CLSTN2: variants seen among roughly 807,000 people sequenced by gnomAD.
CLSTN2 encodes the protein calsyntenin 2, also known as calsyntenin-2.
In CLSTN2, 48 loss-of-function variants were observed where a neutral mutation model predicts 101.2. That is an observed-to-expected ratio of 0.47 (90% CI 0.38 to 0.60). The LOEUF (loss-of-function observed/expected upper bound fraction) is 0.60. Ranked by LOEUF, CLSTN2 falls within the 20% of genes least tolerant of loss-of-function variation. The pLI is 0.00. For synonymous variants in CLSTN2, 481 were observed against 463.6 expected (o/e 1.04, Z -0.48); for missense variants, 1,160 against 1,238.2 (o/e 0.94, Z 0.95).
chr3:140,364,670 G>A (rs1015700368), intron 2 of CLSTN2, among the ~76,000 whole-genome samples: 1 of 152,192 alleles, frequency 6.6e-6, no homozygotes, highest in Admixed American at 6.5e-5. Context: ...CTTGGATAAT[G>A]AGGCAGGGGG....
intron 8 of CLSTN2, among the ~76,000 whole-genome samples, chr3:140,515,763 A>G (rs575406865): frequency 1.0e-3 from 159 of 152,192 alleles, no homozygotes; most frequent in African/African-American, 3.7e-3. Context: ...AAATGTATTG[A>G]GACTTGTTTT....
In CLSTN2 at chr3:140,574,266, G is replaced by A. The variant is rs1985661606; in HGVS notation, c.*8013G>A. 1.3e-5 allele frequency: 2 copies of A among 152,256 alleles called. No homozygotes were observed. The highest frequency in any genetic ancestry group is 2.4e-5 in the African/African-American group (1 of 41,472). 9.4% of individuals were successfully genotyped at this position (152,256 alleles called of 1,614,324 possible). ...TCAGATCGACGAGGGTGGAAGTGCA[G>A]TGAACAGAGGACAACATTTGTGATG... On this transcript the variant is annotated 3_prime_UTR_variant, in exon 17 of 17. Transcript: ENST00000458420.
At chr3:140,483,499 G>T (rs561121954) in intron 8 of CLSTN2, among the ~76,000 whole-genome samples, 149 of 152,284 alleles carry the variant, frequency 9.8e-4, no homozygotes, top group African/African-American at 3.4e-3. Context: ...GCATATCCTT[G>T]TTAACTTTCT....
chr3:140,541,212 A>G (rs1935469279), intron 9 of CLSTN2, among the ~76,000 whole-genome samples: 1 of 152,220 alleles, frequency 6.6e-6, no homozygotes, highest in African/African-American at 2.4e-5. Flanking sequence ...ACTTCTGGTT[A>G]TGTGGCTTTG....
At chr3:140,548,658 C>G (rs1935650543) in intron 10 of CLSTN2, among the ~76,000 whole-genome samples, 1 of 152,116 alleles carries the variant, frequency 6.6e-6, no homozygotes, top group Non-Finnish European at 1.5e-5. Flanking sequence ...AGGAATAGCA[C>G]AGTATTCACT....
intron 1 of CLSTN2, among the ~76,000 whole-genome samples, chr3:140,128,059 T>C (rs1026476849): frequency 6.6e-6 from 1 of 152,162 alleles, no homozygotes; most frequent in Middle Eastern, 3.4e-3. Context: ...ATTGTAGGGG[T>C]TCTTAACCTG....
chr3:139,980,970 G>A (rs567799267), intron 1 of CLSTN2, among the ~76,000 whole-genome samples: 115 of 152,130 alleles, frequency 7.6e-4, no homozygotes, highest in Admixed American at 1.8e-3. Context: ...CTTGTAACTT[G>A]TGCCTAGATA....
At chr3:140,302,364 A>G (rs564554308) in intron 2 of CLSTN2, among the ~76,000 whole-genome samples, 1 of 152,214 alleles carries the variant, frequency 6.6e-6, no homozygotes, top group South Asian at 2.1e-4. Flanking sequence ...GGGTTTATGG[A>G]CAGAAAAAAA....
At chr3:140,006,532 G>A (rs1263745226) in intron 1 of CLSTN2, among the ~76,000 whole-genome samples, 1 of 152,118 alleles carries the variant, frequency 6.6e-6, no homozygotes, top group Non-Finnish European at 1.5e-5. Context: ...TCTCTGGCTG[G>A]CTGCATAGTG....
chr3:140,165,845 C>T (rs1195072720), intron 1 of CLSTN2, among the ~76,000 whole-genome samples: 1 of 152,164 alleles, frequency 6.6e-6, no homozygotes, highest in African/African-American at 2.4e-5. Context: ...AGAACAGATA[C>T]TCAAACTAGC....
chr3:140,347,085 G>T (rs1455391033), intron 2 of CLSTN2, among the ~76,000 whole-genome samples: 5 of 152,104 alleles, frequency 3.3e-5, no homozygotes, highest in Admixed American at 6.5e-5. Flanking sequence ...CTTTAAAGGG[G>T]CCCAGGTTCT....
chr3:140,006,023 A>C (rs2006945970), intron 1 of CLSTN2, among the ~76,000 whole-genome samples: 1 of 152,230 alleles, frequency 6.6e-6, no homozygotes, highest in Admixed American at 6.5e-5. Flanking sequence ...ACTACTGCTA[A>C]TATTAGCACA....
chr3:140,245,857 C>T (rs1287117958), intron 2 of CLSTN2, among the ~76,000 whole-genome samples: 4 of 152,210 alleles, frequency 2.6e-5, no homozygotes, highest in Non-Finnish European at 5.9e-5. Flanking sequence ...TGTGAGCTCG[C>T]ACTTACTGAG....
chr3:140,255,415 G>A (rs572439230), intron 2 of CLSTN2, among the ~76,000 whole-genome samples: 1 of 152,286 alleles, frequency 6.6e-6, no homozygotes, highest in Non-Finnish European at 1.5e-5. Context: ...CCCATCAACA[G>A]TGGACTGGAT....
chr3:140,319,553 C>G (rs1300687895), intron 2 of CLSTN2, among the ~76,000 whole-genome samples: 1 of 152,134 alleles, frequency 6.6e-6, no homozygotes, highest in African/African-American at 2.4e-5. Flanking sequence ...ATCAGGCTGC[C>G]CCTGTAGGGT....
At chr3:140,409,980 T>C (rs571561922) in intron 4 of CLSTN2, among the ~76,000 whole-genome samples, 1 of 152,002 alleles carries the variant, frequency 6.6e-6, no homozygotes, top group East Asian at 1.9e-4. Flanking sequence ...AGACAGGTCA[T>C]TTGAAGTTGT....
At chr3:140,547,343 G>A (rs528666329) in intron 10 of CLSTN2, among the ~76,000 whole-genome samples, 12 of 152,162 alleles carry the variant, frequency 7.9e-5, no homozygotes, top group South Asian at 2.1e-4. Context: ...ACATGGTGGC[G>A]TGCACCTGTA....
chr3:139,960,774 T>C (rs9870579), intron 1 of CLSTN2, among the ~76,000 whole-genome samples: 13,778 of 152,226 alleles, frequency 0.091, 696 homozygotes, highest in African/African-American at 0.13. Flanking sequence ...AGCTTCATAC[T>C]TGGGGGCTGG....
chr3:140,465,883 G>C (rs966196319), intron 7 of CLSTN2, among the ~76,000 whole-genome samples: 2 of 152,132 alleles, frequency 1.3e-5, no homozygotes, highest in Admixed American at 6.5e-5. Flanking sequence ...TGGTGTGTTC[G>C]ATAATGTAAT....
Sources: allele counts gnomAD v4.1 joint callset (sites outside exome capture counted in the v4.1 genomes callset), GRCh38; gene constraint gnomAD v4.1.1; transcripts MANE v1.5; gene names NCBI Gene and HGNC (gene_info 2026-07-23, HGNC 2026-07-21).